Variants in LPAR1 observed in about 807,000 individuals in gnomAD.
LPAR1 encodes lysophosphatidic acid receptor 1.
LPAR1 carries 5 observed loss-of-function variants against 23.8 expected under a neutral mutation model. The observed-to-expected ratio is 0.21, with a 90% CI of 0.11 to 0.44. The LOEUF is 0.44. LPAR1 is among the 20% of genes least tolerant of loss of function. The pLI is 0.99. For synonymous variants in LPAR1, 160 were observed against 164.7 expected (o/e 0.97, Z 0.22); for missense variants, 311 against 482.8 (o/e 0.64, Z 3.33).
At chr9:110,909,709 T>C (rs953028832) in intron 5 of LPAR1, among the ~76,000 whole-genome samples, 1 of 151,512 alleles carries the variant, frequency 6.6e-6, no homozygotes, top group South Asian at 2.1e-4. Flanking sequence ...CTTTTTGTTT[T>C]GCTTCATTTA....
intron 2 of LPAR1, among the ~76,000 whole-genome samples, chr9:110,989,818 A>G (rs1271842355): frequency 6.6e-6 from 1 of 152,156 alleles, no homozygotes; most frequent in Non-Finnish European, 1.5e-5. Context: ...GACTGGATAA[A>G]AAAGCAAGAC....
chr9:110,978,405 G>T (rs2096603528), intron 2 of LPAR1, among the ~76,000 whole-genome samples: 1 of 152,156 alleles, frequency 6.6e-6, no homozygotes. Context: ...AAACAGAATA[G>T]ATGAATGAAA....
In LPAR1 at chr9:111,002,675, G is replaced by A. The variant is rs2097149535; in HGVS notation, c.-181-29117C>T. ...GGTAGGTATTCTCTTATTCCTAATC[G>A]AAATTAAGATAAACCAAGGGACCTA... is the stretch of plus-strand genomic sequence containing the variant. On this transcript the variant is annotated intron_variant, in intron 2 of 5. Coordinates refer to ENST00000683809, the MANE Select transcript of LPAR1 (RefSeq NM_001351411.2). Among the ~76,000 whole-genome samples, 6 of 152,098 alleles carry A rather than the reference G, an allele frequency of 3.9e-5. No homozygotes were observed. The South Asian group carries it at 1.2e-3, about 32-fold the overall frequency.
chr9:110,922,819 T>TTA (rs1045038434), intron 5 of LPAR1, among the ~76,000 whole-genome samples: 8 of 69,204 alleles, frequency 1.2e-4, no homozygotes, highest in African/African-American at 3.3e-4. Flanking sequence ...CAAGGTCTTA[T>TTA]TATTATATTA....
intron 1 of LPAR1, among the ~76,000 whole-genome samples, chr9:111,037,141 C>T (rs926396227): frequency 6.6e-6 from 1 of 152,176 alleles, no homozygotes; most frequent in Non-Finnish European, 1.5e-5. Context: ...AGCAAACACA[C>T]TTATGCAAAT....
chr9:110,981,375 T>C (rs79510654), intron 2 of LPAR1, among the ~76,000 whole-genome samples: 12,952 of 152,004 alleles, frequency 0.085, 677 homozygotes, highest in African/African-American at 0.15. Context: ...ATTTCTCCTC[T>C]GTAAAATGGG....
chr9:111,006,764 T>C (rs2097225501), intron 2 of LPAR1, among the ~76,000 whole-genome samples: 1 of 152,132 alleles, frequency 6.6e-6, no homozygotes, highest in Non-Finnish European at 1.5e-5. Context: ...GTAGAATGTT[T>C]ATATAGTCAC....
chr9:110,898,955 A>T (rs968293579), intron 5 of LPAR1, among the ~76,000 whole-genome samples: 3 of 152,246 alleles, frequency 2.0e-5, no homozygotes, highest in Admixed American at 6.5e-5. Context: ...ACCATCATAT[A>T]AAGTAACAGA....
intron 2 of LPAR1, among the ~76,000 whole-genome samples, chr9:111,002,421 T>A (rs1220768856): frequency 1.3e-5 from 2 of 152,194 alleles, no homozygotes; most frequent in Admixed American, 6.5e-5. Flanking sequence ...GTAATATGTG[T>A]ATGTATTCTA....
chr9:110,946,270 G>C (rs1445606804), intron 4 of LPAR1, among the ~76,000 whole-genome samples: 1 of 152,036 alleles, frequency 6.6e-6, no homozygotes, highest in Non-Finnish European at 1.5e-5. Context: ...GAAGGAACCT[G>C]AAAAACACAG....
At chr9:110,911,703 A>G (rs1222371275) in intron 5 of LPAR1, among the ~76,000 whole-genome samples, 2 of 152,250 alleles carry the variant, frequency 1.3e-5, no homozygotes, top group Non-Finnish European at 2.9e-5. Flanking sequence ...AGGTATGCAC[A>G]TACTTTTTTA....
At chr9:110,918,975 C>A (rs10980633) in intron 5 of LPAR1, among the ~76,000 whole-genome samples, 24,206 of 151,920 alleles carry the variant, frequency 0.16, 2,547 homozygotes, top group East Asian at 0.59. Flanking sequence ...CTTGTGTAGT[C>A]CCCCTTCCCC....
At chr9:110,947,469 A>AT (rs2095422309) in intron 4 of LPAR1, among the ~76,000 whole-genome samples, 1 of 152,232 alleles carries the variant, frequency 6.6e-6, no homozygotes. Flanking sequence ...TGGCTGCTCT[A>AT]TAGAGTAGAT....
chr9:110,943,406 C>T (rs2095247429), intron 4 of LPAR1, among the ~76,000 whole-genome samples: 1 of 151,982 alleles, frequency 6.6e-6, no homozygotes, highest in Non-Finnish European at 1.5e-5. Context: ...ACTAAAACTT[C>T]CAAGAACAAC....
At chr9:111,010,687 C>A (rs1457661678) in intron 2 of LPAR1, among the ~76,000 whole-genome samples, 1 of 152,084 alleles carries the variant, frequency 6.6e-6, no homozygotes, top group Non-Finnish European at 1.5e-5. Context: ...CTGGAAACCA[C>A]AGATTTTAAT....
At chr9:110,902,999 C>T (rs2089847241) in intron 5 of LPAR1, among the ~76,000 whole-genome samples, 1 of 152,166 alleles carries the variant, frequency 6.6e-6, no homozygotes, top group Non-Finnish European at 1.5e-5. Flanking sequence ...GCACGGCCCA[C>T]AAAATTAGGC....
chr9:110,876,123 T>G lies in LPAR1; in HGVS notation c.794-401A>C, dbSNP rs73535633. ...ATGATAAGTGTCCTTTAATGTTTAA[T>G]TAAGGCATAGTTTCTGGATTCAGGT... On this transcript the variant is annotated intron_variant, in intron 5 of 5. Transcript: ENST00000683809. Among the ~76,000 whole-genome samples, 653 of 152,342 alleles carry G rather than the reference T, an allele frequency of 4.3e-3. 4 individuals carry two copies. Among genetic ancestry groups the G allele is most frequent in the African/African-American group, 0.015 (621 of 41,578 alleles).
intron 5 of LPAR1, among the ~76,000 whole-genome samples, chr9:110,938,312 A>G (rs774335845): frequency 6.6e-6 from 1 of 152,220 alleles, no homozygotes; most frequent in Non-Finnish European, 1.5e-5. Flanking sequence ...TCTTGTTCCT[A>G]CTGAAGTGGG....
chr9:111,022,664 TATATA>T (rs1327890263), intron 2 of LPAR1, among the ~76,000 whole-genome samples: 1 of 152,144 alleles, frequency 6.6e-6, no homozygotes, highest in Non-Finnish European at 1.5e-5. Context: ...GTAATTATAT[TATATA>T]AAAGTATTTT....
Sources: allele counts gnomAD v4.1 joint callset (sites outside exome capture counted in the v4.1 genomes callset), GRCh38; gene constraint gnomAD v4.1.1; transcripts MANE v1.5; gene names NCBI Gene and HGNC (gene_info 2026-07-23, HGNC 2026-07-21).